KIF26B: variants seen among roughly 807,000 people sequenced by gnomAD.
KIF26B encodes kinesin-like protein KIF26B.
Under a neutral mutation model 151.2 loss-of-function variants are expected in KIF26B, and 63 were observed. The observed-to-expected ratio is 0.42, with a 90% CI of 0.34 to 0.51. The LOEUF is 0.51. Ranked by LOEUF, KIF26B falls within the 20% of genes least tolerant of loss-of-function variation. The pLI is 0.07. For synonymous variants in KIF26B, 1,357 were observed against 1,262.1 expected (o/e 1.08, Z -1.59); for missense variants, 2,813 against 2,913.6 (o/e 0.97, Z 0.79).
In KIF26B at chr1:245,517,869, ATT is replaced by A. The variant is rs549396811; in HGVS notation, c.1167-22878_1167-22877del. Among the ~76,000 whole-genome samples the A allele has an allele frequency of 9.5e-3, 1,249 of 130,976 alleles. 13 individuals carry two copies. The highest frequency in any genetic ancestry group is 0.033 in the African/African-American group (1,115 of 33,576). The allele number at this position is 130,976 out of a possible 152,430, so 85.9% of individuals were successfully genotyped here. A position where few individuals can be genotyped will look rare whatever the true frequency, so the allele number is the denominator to read the frequency against. On this transcript the variant is annotated intron_variant, in intron 4 of 14. Coordinates refer to ENST00000407071, the MANE Select transcript of KIF26B (RefSeq NM_018012.4). The stretch of plus-strand genomic sequence containing the variant: ...CCATGAAAGTGAATGGTGTCATGTA[ATT>A]TTTTTTTTTTTTTTTTTTTGAGAAT...
chr1:245,412,009 A>G (rs1674299047), intron 3 of KIF26B, among the ~76,000 whole-genome samples: 1 of 152,144 alleles, frequency 6.6e-6, no homozygotes. Flanking sequence ...TCCTTTGCAG[A>G]TTGACTTTCA....
intron 4 of KIF26B, among the ~76,000 whole-genome samples, chr1:245,467,669 C>T (rs562343504): frequency 1.3e-5 from 2 of 152,144 alleles, no homozygotes; most frequent in Non-Finnish European, 2.9e-5. Context: ...CTGAGGTGGG[C>T]GGATCACTTG....
intron 4 of KIF26B, among the ~76,000 whole-genome samples, chr1:245,478,028 C>T (rs1366943362): frequency 1.3e-5 from 2 of 151,822 alleles, no homozygotes; most frequent in African/African-American, 2.4e-5. Flanking sequence ...CACTCATCAA[C>T]ATTCTGGCTC....
At chr1:245,522,004 G>A (rs924477898) in intron 4 of KIF26B, among the ~76,000 whole-genome samples, 3 of 151,544 alleles carry the variant, frequency 2.0e-5, no homozygotes, top group Non-Finnish European at 2.9e-5. Flanking sequence ...CAAGTAGCTG[G>A]GACTACAGGC....
rs899102657 is a variant in KIF26B, at chr1:245,545,193, C to T, written c.1350+4243C>T. ...CTTGGCTCACTGCAACCTCCACCTC[C>T]GGGGTTCAAGTGATTCTCTTGCCTC... On this transcript the variant is annotated intron_variant, in intron 5 of 14. Coordinates refer to ENST00000407071, the MANE Select transcript of KIF26B (RefSeq NM_018012.4). Among the ~76,000 whole-genome samples the T allele has an allele frequency of 2.3e-4, 35 of 152,080 alleles. 1 individual carries two copies. Among genetic ancestry groups the T allele is most frequent in the Middle Eastern group, 6.8e-3 (2 of 294 alleles).
chr1:245,683,473 G>A (rs1033808882), intron 10 of KIF26B, among the ~76,000 whole-genome samples: 1 of 152,128 alleles, frequency 6.6e-6, no homozygotes, highest in Non-Finnish European at 1.5e-5. Flanking sequence ...ATTTCTCCAG[G>A]TCTATTCAAA....
intron 2 of KIF26B, among the ~76,000 whole-genome samples, chr1:245,195,358 G>A (rs902768286): frequency 2.0e-5 from 3 of 152,114 alleles, no homozygotes; most frequent in Admixed American, 1.3e-4. Context: ...TGTTTGTTGC[G>A]CCTCAGTTCC....
intron 4 of KIF26B, among the ~76,000 whole-genome samples, chr1:245,513,100 C>T (rs996207204): frequency 4.6e-5 from 7 of 152,112 alleles, no homozygotes; most frequent in Middle Eastern, 3.4e-3. Flanking sequence ...AACCATCTTT[C>T]GAGTTTCTGC....
At chr1:245,491,726 A>C (rs888924343) in intron 4 of KIF26B, among the ~76,000 whole-genome samples, 41 of 152,198 alleles carry the variant, frequency 2.7e-4, no homozygotes, top group African/African-American at 8.9e-4. Flanking sequence ...TGGCCAACAT[A>C]GTGAAACCCC....
At chr1:245,266,881 T>C (rs1251384291) in intron 2 of KIF26B, among the ~76,000 whole-genome samples, 1 of 152,216 alleles carries the variant, frequency 6.6e-6, no homozygotes. Context: ...TGAGAGAATG[T>C]TGTGTTTAGT....
chr1:245,410,115 G>C lies in KIF26B; in HGVS notation c.1000-9464G>C, dbSNP rs148806224. Among the ~76,000 whole-genome samples the C allele has an allele frequency of 9.1e-4, 139 of 152,292 alleles. 1 individual carries two copies. Among genetic ancestry groups the C allele is most frequent in the African/African-American group, 3.2e-3 (133 of 41,556 alleles). ...TTTAACCAAAGAGTTGGGTTTGTGT[G>C]GGGGCTTTCCCCTGCCCATCTCCTC... On this transcript the variant is annotated intron_variant, in intron 3 of 14. Coordinates refer to ENST00000407071, the MANE Select transcript of KIF26B (RefSeq NM_018012.4).
chr1:245,261,983 C>T (rs1670653390), intron 2 of KIF26B, among the ~76,000 whole-genome samples: 2 of 152,314 alleles, frequency 1.3e-5, no homozygotes, highest in African/African-American at 2.4e-5. Context: ...CTCTCCACAG[C>T]AGTTTGCCTC....
intron 2 of KIF26B, among the ~76,000 whole-genome samples, chr1:245,157,403 A>G (rs1024133096): frequency 6.6e-6 from 1 of 152,222 alleles, no homozygotes; most frequent in African/African-American, 2.4e-5. Context: ...CACTTCAAAG[A>G]GTTTTTATCA....
intron 3 of KIF26B, among the ~76,000 whole-genome samples, chr1:245,418,052 C>T (rs897751183): frequency 2.0e-5 from 3 of 152,178 alleles, no homozygotes; most frequent in East Asian, 1.9e-4. Context: ...AGGCATGATG[C>T]GCGCCCTGGA....
At chr1:245,374,420 C>T (rs1673224083) in intron 3 of KIF26B, among the ~76,000 whole-genome samples, 2 of 151,976 alleles carry the variant, frequency 1.3e-5, no homozygotes, top group South Asian at 4.2e-4. Context: ...TACACGTGCT[C>T]TTCCCGGCCG....
intron 2 of KIF26B, among the ~76,000 whole-genome samples, chr1:245,334,335 G>A (rs1248892632): frequency 6.6e-6 from 1 of 152,190 alleles, no homozygotes; most frequent in Non-Finnish European, 1.5e-5. Context: ...TTCGTTCCTG[G>A]TGTTAACTAA....
At chr1:245,310,177 G>A (rs1253015891) in intron 2 of KIF26B, among the ~76,000 whole-genome samples, 4 of 146,192 alleles carry the variant, frequency 2.7e-5, no homozygotes, top group Admixed American at 6.9e-5. Context: ...CTCACTATAT[G>A]TATATATATA....
At chr1:245,310,378 AC>A (rs1426952634) in intron 2 of KIF26B, among the ~76,000 whole-genome samples, 1 of 152,108 alleles carries the variant, frequency 6.6e-6, no homozygotes, top group Non-Finnish European at 1.5e-5. Context: ...TTATCCATTA[AC>A]TTTATTCTTA....
At chr1:245,411,734 T>C (rs1205588654) in intron 3 of KIF26B, among the ~76,000 whole-genome samples, 1 of 152,176 alleles carries the variant, frequency 6.6e-6, no homozygotes, top group Non-Finnish European at 1.5e-5. Context: ...GCTCCAGAAG[T>C]GACTTGATGT....
Sources: allele counts gnomAD v4.1 joint callset (sites outside exome capture counted in the v4.1 genomes callset), GRCh38; gene constraint gnomAD v4.1.1; transcripts MANE v1.5; gene names NCBI Gene and HGNC (gene_info 2026-07-23, HGNC 2026-07-21).